The following TRPM3 variants were observed in gnomAD, a reference collection of about 807,000 sequenced individuals.
TRPM3 encodes the protein long transient receptor potential channel 3.
Under a neutral mutation model 181.2 loss-of-function variants are expected in TRPM3, and 77 were observed. The ratio of observed to expected loss-of-function variants is 0.42; its 90% CI spans 0.35 to 0.51. The LOEUF (loss-of-function observed/expected upper bound fraction) is 0.51. Among genes scored for constraint, TRPM3 ranks in the 20% least tolerant of loss-of-function variants. The pLI is 0.01. For missense variants in TRPM3, 1,759 were observed against 2,196.7 expected (o/e 0.80, Z 3.98); for synonymous variants, 745 against 796.4 (o/e 0.94, Z 1.09).
chr9:71,375,630 C>A (rs1463912227), intron 1 of TRPM3, among the ~76,000 whole-genome samples: 2 of 152,090 alleles, frequency 1.3e-5, no homozygotes, highest in Non-Finnish European at 2.9e-5. Context: ...ACCCATCTGA[C>A]AAAGTTCTAA....
chr9:71,209,220 T>A (rs2079318260), intron 1 of TRPM3, among the ~76,000 whole-genome samples: 1 of 152,120 alleles, frequency 6.6e-6, no homozygotes, highest in Admixed American at 6.6e-5. Context: ...TGTGTTGGCA[T>A]TTTTATAAGC....
chr9:71,081,149 T>G (rs1438236189), intron 1 of TRPM3, among the ~76,000 whole-genome samples: 3 of 152,300 alleles, frequency 2.0e-5, no homozygotes, highest in South Asian at 4.1e-4. Flanking sequence ...TTTATCAAAT[T>G]GAAATGTACT....
chr9:71,004,181 C>G (rs2097648768), intron 1 of TRPM3, among the ~76,000 whole-genome samples: 1 of 152,226 alleles, frequency 6.6e-6, no homozygotes, highest in Non-Finnish European at 1.5e-5. Flanking sequence ...ATGGATAAGA[C>G]TGGCCAGAGC....
chr9:71,013,673 A>G (rs1449769173), intron 1 of TRPM3, among the ~76,000 whole-genome samples: 1 of 152,032 alleles, frequency 6.6e-6, no homozygotes, highest in Non-Finnish European at 1.5e-5. Context: ...CTAAGAAATT[A>G]CCCATTTCAG....
chr9:70,611,718 C>T (rs923349446), intron 18 of TRPM3, among the ~76,000 whole-genome samples: 40 of 152,338 alleles, frequency 2.6e-4, no homozygotes, highest in African/African-American at 9.4e-4. Flanking sequence ...ACTGCTGGTA[C>T]TAGTTTTATG....
At chr9:71,084,246 G>A (rs2064898207) in intron 1 of TRPM3, among the ~76,000 whole-genome samples, 1 of 151,880 alleles carries the variant, frequency 6.6e-6, no homozygotes, top group African/African-American at 2.4e-5. Flanking sequence ...TTAACAATGA[G>A]CCACGTAGTA....
At chr9:70,933,881 T>C (rs948070433) in intron 1 of TRPM3, among the ~76,000 whole-genome samples, 9 of 151,666 alleles carry the variant, frequency 5.9e-5, no homozygotes, top group African/African-American at 1.9e-4. Flanking sequence ...AGGCACAGGA[T>C]TGGACTTTGA....
At chr9:70,943,150 G>A (rs3010422) in intron 1 of TRPM3, among the ~76,000 whole-genome samples, 2 of 152,096 alleles carry the variant, frequency 1.3e-5, no homozygotes, top group Non-Finnish European at 2.9e-5. Flanking sequence ...CACATCTAGG[G>A]GTTATGGGCT....
chr9:70,579,131 C>T (rs753801109), intron 22 of TRPM3: 4 of 152,354 alleles, frequency 2.6e-5, no homozygotes, highest in Non-Finnish European at 4.4e-5. Context: ...CTTTGAGTTT[C>T]CTGGAGAATA....
intron 7 of TRPM3, among the ~76,000 whole-genome samples, chr9:70,762,031 C>T (rs1445079742): frequency 6.6e-6 from 1 of 152,040 alleles, no homozygotes; most frequent in Admixed American, 6.6e-5. Flanking sequence ...TCAAAAATTA[C>T]CTTCAATTAA....
intron 18 of TRPM3, among the ~76,000 whole-genome samples, chr9:70,614,911 C>T (rs1462083884): frequency 6.6e-6 from 1 of 152,210 alleles, no homozygotes; most frequent in African/African-American, 2.4e-5. Flanking sequence ...TCGTCTGTTA[C>T]AGAGCTGAGC....
chr9:70,897,081 C>A (rs1322394941), intron 1 of TRPM3, among the ~76,000 whole-genome samples: 1 of 144,848 alleles, frequency 6.9e-6, no homozygotes, highest in Non-Finnish European at 1.5e-5. Flanking sequence ...TTTATCATTT[C>A]TTTGTGTTGA....
intron 1 of TRPM3, among the ~76,000 whole-genome samples, chr9:71,228,237 T>G (rs1276339252): frequency 6.6e-6 from 1 of 152,180 alleles, no homozygotes; most frequent in Non-Finnish European, 1.5e-5. Context: ...AAAAACCTTA[T>G]GATCATTTCA....
chr9:71,148,263 A>T (rs960564171), intron 1 of TRPM3, among the ~76,000 whole-genome samples: 3 of 152,338 alleles, frequency 2.0e-5, no homozygotes, highest in South Asian at 2.1e-4. Flanking sequence ...TTAAAATATT[A>T]GAACATGTAA....
chr9:70,747,333 C>T (rs1239557331), intron 8 of TRPM3, among the ~76,000 whole-genome samples: 3 of 151,920 alleles, frequency 2.0e-5, no homozygotes, highest in South Asian at 2.1e-4. Flanking sequence ...GACATGTGCA[C>T]GGGTTTGGTA....
chr9:70,900,481 A>G (rs1241705730), intron 1 of TRPM3, among the ~76,000 whole-genome samples: 1 of 152,240 alleles, frequency 6.6e-6, no homozygotes, highest in Non-Finnish European at 1.5e-5. Context: ...AGACCAGAGC[A>G]TTATAGGAAT....
intron 1 of TRPM3, among the ~76,000 whole-genome samples, chr9:71,206,770 T>C (rs746696792): frequency 1.3e-5 from 2 of 151,978 alleles, no homozygotes; most frequent in Non-Finnish European, 2.9e-5. Flanking sequence ...GCATAAGGAG[T>C]AAGGAAGGGG....
At chr9:71,343,157 ATAT>A (rs550392208) in intron 1 of TRPM3, among the ~76,000 whole-genome samples, 255 of 152,134 alleles carry the variant, frequency 1.7e-3, no homozygotes, top group Non-Finnish European at 2.4e-3. Context: ...TTCCTTTAGT[ATAT>A]TTTTTAAGTA....
At chr9:71,024,431 C>A (rs2097874628) in intron 1 of TRPM3, among the ~76,000 whole-genome samples, 2 of 152,108 alleles carry the variant, frequency 1.3e-5, no homozygotes, top group Non-Finnish European at 2.9e-5. Flanking sequence ...TGTTAACAAG[C>A]TTTTACTTAA....
Sources: gnomAD v4.1 joint callset for allele counts (sites outside exome capture counted in the v4.1 genomes callset) on GRCh38, gnomAD v4.1.1 for gene constraint, MANE v1.5 for transcripts, NCBI Gene and HGNC (gene_info 2026-07-23, HGNC 2026-07-21) for gene names.